The following SGPP1 variants were observed in gnomAD, a reference collection of about 807,000 sequenced individuals.
SGPP1 encodes the protein sphingosine-1-phosphate phosphatase 1, also known as hSPP1.
Under a neutral mutation model 33.0 loss-of-function variants are expected in SGPP1, and 21 were observed. That is an observed-to-expected ratio of 0.64 (90% CI 0.45 to 0.92). The LOEUF is 0.92. Among genes scored for constraint, SGPP1 ranks in the 40% least tolerant of loss-of-function variants. The probability of loss-of-function intolerance (pLI) is 0.00; values close to 1 mark genes in which losing one functional copy is unlikely to be tolerated. For synonymous variants in SGPP1, 239 were observed against 241.2 expected (o/e 0.99, Z 0.08); for missense variants, 543 against 589.4 (o/e 0.92, Z 0.81).
rs193185737 is a variant in SGPP1, at chr14:63,705,373, A to G, written c.685-6715T>C. ...AGATATACAAATGGCCAAAAAGCAC[A>G]TGAAAATATGCTCGCCTGGCATGGT... On this transcript the variant is annotated intron_variant, in intron 1 of 2. Transcript: ENST00000247225. Among the ~76,000 whole-genome samples, 13 of 151,394 alleles carry G rather than the reference A, an allele frequency of 8.6e-5. 1 individual carries two copies. The highest frequency in any genetic ancestry group is 2.9e-4 in the African/African-American group (12 of 41,214).
intron 1 of SGPP1, among the ~76,000 whole-genome samples, chr14:63,719,137 C>G (rs1885717029): frequency 7.0e-6 from 1 of 143,360 alleles, no homozygotes; most frequent in Non-Finnish European, 1.5e-5. Context: ...AAGCGATTCT[C>G]CTGCCTCAGC....
rs1885661945 is a variant in SGPP1 at position 63,717,582 on chromosome 14, A to G, written c.684+9679T>C. Among the ~76,000 whole-genome samples, 4 of 152,122 alleles carry G rather than the reference A, an allele frequency of 2.6e-5. No homozygotes were observed. The South Asian group carries it at 8.3e-4, about 32-fold the overall frequency. On this transcript the variant is annotated intron_variant, in intron 1 of 2. Transcript: ENST00000247225. ...CGTGATCCGCCAGCCTCGGCCTCCC[A>G]AAGTGCTGGGATTACAGGCATGAGC...
chr14:63,707,397 T>C (rs1885437371), intron 1 of SGPP1, among the ~76,000 whole-genome samples: 1 of 152,194 alleles, frequency 6.6e-6, no homozygotes, highest in Non-Finnish European at 1.5e-5. Flanking sequence ...ATGTTATAGC[T>C]TGTAACACGT....
intron 1 of SGPP1, among the ~76,000 whole-genome samples, chr14:63,706,119 C>A (rs1885403925): frequency 6.6e-6 from 1 of 152,208 alleles, no homozygotes; most frequent in Non-Finnish European, 1.5e-5. Flanking sequence ...AGTACTGATG[C>A]ATGCTACAAC....
intron 1 of SGPP1, among the ~76,000 whole-genome samples, chr14:63,702,764 A>T (rs1328871658): frequency 6.6e-6 from 1 of 152,150 alleles, no homozygotes; most frequent in Non-Finnish European, 1.5e-5. Flanking sequence ...TTCTGACTAC[A>T]TGATGACTTT....
In SGPP1 at chr14:63,727,655, A is replaced by T; in HGVS notation, c.290T>A (p.Leu97Gln). 1 of 1,346,426 alleles carries T rather than the reference A, an allele frequency of 7.4e-7. No individual in the cohort carries two copies. The highest frequency in any genetic ancestry group is 9.5e-7 in the Non-Finnish European group (1 of 1,057,578). The allele number at this position is 1,346,426 out of a possible 1,614,324, so 83.4% of individuals were successfully genotyped here. A position where few individuals can be genotyped will look rare whatever the true frequency, so the allele number is the denominator to read the frequency against. Reference protein sequence around the residue: ...NGVRNGLAAELGPASPRRAGA... With the variant: ...NGVRNGLAAEQGPASPRRAGA... ...CGCGCGCCGCGGCGAGGCCGGGCCC[A>T]GCTCGGCCGCCAGCCCGTTCCGCAC... Residue 97 changes from leucine to glutamine, a missense_variant, in exon 1 of 3, where the codon CTG (leucine) becomes CAG (glutamine). Coordinates refer to ENST00000247225, the MANE Select transcript of SGPP1 (RefSeq NM_030791.4).
At chr14:63,715,180 ATTGT>A (rs1450953639) in intron 1 of SGPP1, among the ~76,000 whole-genome samples, 1 of 151,538 alleles carries the variant, frequency 6.6e-6, no homozygotes, top group African/African-American at 2.4e-5. Context: ...CGCCCAGCTA[ATTGT>A]TTGTATTTTT....
chr14:63,695,117 C>T lies in SGPP1; in HGVS notation c.774+3452G>A, dbSNP rs112977364. 5.9e-4 allele frequency among the ~76,000 whole-genome samples: 90 copies of T among 152,110 alleles called. 1 individual carries two copies. The highest frequency in any genetic ancestry group is 2.0e-3 in the African/African-American group (85 of 41,478). On this transcript the variant is annotated intron_variant, in intron 2 of 2. Coordinates refer to ENST00000247225, the MANE Select transcript of SGPP1 (RefSeq NM_030791.4). ...TGTCGCCCAGGCTGGAGTGCAGTGG[C>T]GCGATCTCTGCTCACTGCAAGCTCC...
intron 1 of SGPP1, among the ~76,000 whole-genome samples, chr14:63,708,628 C>T (rs1275790795): frequency 1.3e-5 from 2 of 152,030 alleles, no homozygotes; most frequent in Non-Finnish European, 2.9e-5. Flanking sequence ...CAATTCTAGG[C>T]AGACATTAGG....
chr14:63,727,640 G>T lies in SGPP1; in HGVS notation c.305C>A (p.Pro102Gln), dbSNP rs1432111212. 8.0e-6 allele frequency: 11 copies of T among 1,377,482 alleles called. No homozygotes were observed. The African/African-American group carries it at 1.5e-4, about 19-fold the overall frequency. The allele number at this position is 1,377,482 out of a possible 1,614,324, so 85.3% of individuals were successfully genotyped here. The change falls in exon 1 of 3, where the codon CCG becomes CAG. Residue 102 changes from proline to glutamine, a missense_variant. Transcript: ENST00000247225. ...GLAAELGPAS[P>Q]RRAGALRRNS... ...GCGGCGCAGAGCGCCCGCGCGCCGC[G>T]GCGAGGCCGGGCCCAGCTCGGCCGC...
intron 1 of SGPP1, among the ~76,000 whole-genome samples, chr14:63,706,370 A>C (rs1465207999): frequency 2.0e-5 from 3 of 152,214 alleles, no homozygotes; most frequent in African/African-American, 4.8e-5. Flanking sequence ...GTTGTACGAC[A>C]TTGTGAATGT....
intron 1 of SGPP1, among the ~76,000 whole-genome samples, chr14:63,726,320 C>A (rs1334369035): frequency 6.6e-6 from 1 of 152,062 alleles, no homozygotes; most frequent in Non-Finnish European, 1.5e-5. Flanking sequence ...AAATAAGGGA[C>A]TGGTCTGCAG....
At chr14:63,687,366 G>A (rs1885001944) in intron 2 of SGPP1, among the ~76,000 whole-genome samples, 1 of 152,204 alleles carries the variant, frequency 6.6e-6, no homozygotes, top group South Asian at 2.1e-4. Flanking sequence ...CTTGAACCCA[G>A]GAAGTGGAGG....
chr14:63,714,774 G>A (rs1885586527), intron 1 of SGPP1, among the ~76,000 whole-genome samples: 1 of 150,288 alleles, frequency 6.7e-6, no homozygotes, highest in African/African-American at 2.4e-5. Flanking sequence ...GGGTCTCACT[G>A]AGTTGCCCAA....
At chr14:63,703,179 CA>C (rs1317045360) in intron 1 of SGPP1, among the ~76,000 whole-genome samples, 1 of 151,380 alleles carries the variant, frequency 6.6e-6, no homozygotes, top group East Asian at 1.9e-4. Flanking sequence ...TCAACACTCA[CA>C]AATCAGCTGT....
chr14:63,727,344 C>T lies in SGPP1; in HGVS notation c.601G>A (p.Glu201Lys). The T allele has an allele frequency of 6.2e-7, 1 of 1,614,146 alleles. No homozygotes were observed. The highest frequency in any genetic ancestry group is 8.5e-7 in the Non-Finnish European group (1 of 1,180,024). Reference protein sequence around the residue: ...VVKLEVFYNSEYSMPSTHAMS... With the variant: ...VVKLEVFYNSKYSMPSTHAMS... ...GCATGGGTGGAGGGCATGCTGTACT[C>T]AGAGTTGTAGAAGACCTCCAACTTG... is the stretch of plus-strand genomic sequence containing the variant. Residue 201 changes from glutamate to lysine, a missense_variant, in exon 1 of 3, where the codon GAG becomes AAG. Glu to Lys is a moderately conservative substitution (Grantham distance 56). Coordinates refer to ENST00000247225, the MANE Select transcript of SGPP1 (RefSeq NM_030791.4).
chr14:63,686,211 T>C lies in SGPP1; in HGVS notation c.1220A>G (p.Gln407Arg), dbSNP rs1884969928. ...IPCDDIRKAR[Q>R]HMEVELPYRY... ...ATAAGGAAGTTCAACTTCCATGTGC[T>C]GTCTTGCTTTTCGAATATCATCACA... Residue 407 changes from glutamine to arginine, a missense_variant, in exon 3 of 3, where the codon CAG (glutamine) becomes CGG (arginine). By Grantham distance (43) the Gln-to-Arg change is conservative. Coordinates refer to ENST00000247225, the MANE Select transcript of SGPP1 (RefSeq NM_030791.4). 6.2e-7 allele frequency: 1 copy of C among 1,614,050 alleles called. No individual in the cohort carries two copies. Among genetic ancestry groups the C allele is most frequent in the Admixed American group, 1.7e-5 (1 of 59,994 alleles).
chr14:63,689,501 T>G (rs955019305), intron 2 of SGPP1, among the ~76,000 whole-genome samples: 3 of 151,946 alleles, frequency 2.0e-5, no homozygotes, highest in African/African-American at 7.3e-5. Flanking sequence ...TCAAGCAAAA[T>G]ATTATCTAGT....
chr14:63,712,891 T>C (rs1475078118), intron 1 of SGPP1, among the ~76,000 whole-genome samples: 3 of 123,502 alleles, frequency 2.4e-5, no homozygotes, highest in African/African-American at 9.6e-5. Context: ...TACTCCAGCC[T>C]GGGCAACAAG....
Sources: gnomAD v4.1 joint callset for allele counts (sites outside exome capture counted in the v4.1 genomes callset) on GRCh38, gnomAD v4.1.1 for gene constraint, MANE v1.5 for transcripts, NCBI Gene and HGNC (gene_info 2026-07-23, HGNC 2026-07-21) for gene names.